SPATA1: variants seen among roughly 807,000 people sequenced by gnomAD.
The protein encoded by SPATA1 is spermatogenesis associated 1.
Under a neutral mutation model 59.6 loss-of-function variants are expected in SPATA1, and 57 were observed. That is an observed-to-expected ratio of 0.96 (90% CI 0.77 to 1.19). The LOEUF (loss-of-function observed/expected upper bound fraction) is 1.19. SPATA1 is among the 50% of genes most tolerant of loss of function. The pLI, the probability that SPATA1 is intolerant of heterozygous loss-of-function variation, is 0.00. For missense variants in SPATA1, 448 were observed against 480.7 expected, an observed-to-expected ratio of 0.93 and a Z score of 0.64; for synonymous variants, 147 against 163.9, an observed-to-expected ratio of 0.90 and a Z score of 0.79.
rs375939310 is a variant in SPATA1, at chr1:84,545,199, AGAGT to A, written c.821-431_821-428del. ...ACCACTACACTCCAGCCTGAGCAAC[AGAGT>A]GAGACTCCATCTCAAAAAAATATAT... On this transcript the variant is annotated intron_variant, in intron 9 of 12. Coordinates refer to ENST00000490879, the Ensembl canonical transcript of SPATA1. Among the ~76,000 whole-genome samples, 55 of 150,414 alleles carry A rather than the reference AGAGT, an allele frequency of 3.7e-4. No individual in the cohort carries two copies. The East Asian group carries it at 0.01, about 28-fold the overall frequency.
intron 6 of SPATA1, among the ~76,000 whole-genome samples, chr1:84,526,951 A>G (rs1683251653): frequency 6.6e-6 from 1 of 151,872 alleles, no homozygotes; most frequent in Non-Finnish European, 1.5e-5. Context: ...AAAGCTAACT[A>G]CAGTCTAAGA....
At chr1:84,532,488 T>C (rs971999898) in intron 6 of SPATA1, among the ~76,000 whole-genome samples, 2 of 151,546 alleles carry the variant, frequency 1.3e-5, no homozygotes, top group Non-Finnish European at 2.9e-5. Context: ...AGAGCAAGTC[T>C]CTATCTCAAA....
At chr1:84,514,371 T>C (rs1682706000) in intron 1 of SPATA1, among the ~76,000 whole-genome samples, 1 of 152,180 alleles carries the variant, frequency 6.6e-6, no homozygotes, top group African/African-American at 2.4e-5. Flanking sequence ...TACTATAGGT[T>C]GAGTATTCCT....
exon 4 of SPATA1, chr1:84,522,408 T>G (rs1683062126): frequency 6.7e-7 from 1 of 1,496,276 alleles, no homozygotes; most frequent in African/African-American, 1.4e-5. Flanking sequence ...CTCAACTTAC[T>G]TTACGAGCCC....
At chr1:84,563,640 A>T in intron 4 of SPATA1, 1 of 775,030 alleles carries the variant, frequency 1.3e-6, no homozygotes, top group Non-Finnish European at 2.0e-6. Context: ...ACTATATTTC[A>T]GAGATTCTAA....
At chr1:84,564,540 T>C (rs1684653646) in intron 4 of SPATA1, among the ~76,000 whole-genome samples, 1 of 152,180 alleles carries the variant, frequency 6.6e-6, no homozygotes, top group Non-Finnish European at 1.5e-5. Context: ...TTATTTAGTT[T>C]GGTTGTTGAT....
At chr1:84,565,806 A>C (rs1684688110) in intron 4 of SPATA1, 55 bp from the exon 14 acceptor site, 1 of 1,148,910 alleles carries the variant, frequency 8.7e-7, no homozygotes, top group Non-Finnish European at 1.2e-6. Flanking sequence ...AATATTATTA[A>C]TATTATTAAT....
chr1:84,522,030 A>G lies in SPATA1; in HGVS notation c.144-360A>G, dbSNP rs1012978333. Among the ~76,000 whole-genome samples the G allele has an allele frequency of 1.1e-4, 16 of 152,346 alleles. No individual in the cohort carries two copies. In the Middle Eastern group the frequency reaches 0.014, roughly 130 times the overall value. ...CTCCTGCCAAACTTCCAAAATAAAT[A>G]TCTGTGGCTAAATCATTCATTGGTA... On this transcript the variant is annotated intron_variant, in intron 3 of 12. Coordinates refer to ENST00000490879, the Ensembl canonical transcript of SPATA1.
At chr1:84,546,477 AAAAC>A (rs1313616395) in intron 10 of SPATA1, among the ~76,000 whole-genome samples, 2 of 151,938 alleles carry the variant, frequency 1.3e-5, no homozygotes, top group African/African-American at 4.8e-5. Flanking sequence ...AAAAAAAAAA[AAAAC>A]TTGATGAAAA....
chr1:84,522,957 C>CT (rs1232370279), intron 4 of SPATA1, among the ~76,000 whole-genome samples: 1 of 150,618 alleles, frequency 6.6e-6, no homozygotes, highest in Non-Finnish European at 1.5e-5. Context: ...GTCACCCTGG[C>CT]TAGAGTGCTG....
In SPATA1 at chr1:84,520,406, C is replaced by A. The variant is rs116498946; in HGVS notation, c.37-179C>A. 2.0e-3 allele frequency among the ~76,000 whole-genome samples: 310 copies of A among 152,270 alleles called. 3 individuals carry two copies. The highest frequency in any genetic ancestry group is 7.1e-3 in the African/African-American group (296 of 41,550). On this transcript the variant is annotated intron_variant, in intron 2 of 12. Coordinates refer to ENST00000490879, the Ensembl canonical transcript of SPATA1. ...CCAAGGGAAAATGTACTCCAAGTGC[C>A]AAGTGGCCAACTTAAGAACAAATTT...
chr1:84,553,126 T>C, exon 13 of SPATA1: 1 of 1,436,130 alleles, frequency 7.0e-7, no homozygotes, highest in Non-Finnish European at 9.3e-7. Context: ...CTCAATTAGG[T>C]ATGTTAATTT....
At chr1:84,565,742 A>T in intron 4 of SPATA1, 119 bp from the exon 14 acceptor site, 4 of 610,758 alleles carry the variant, frequency 6.5e-6, no homozygotes, top group Non-Finnish European at 9.3e-6. Flanking sequence ...CAATTGAAAA[A>T]CGTATACATA....
At chr1:84,547,232 G>A (rs188674290) in intron 10 of SPATA1, among the ~76,000 whole-genome samples, 1 of 152,288 alleles carries the variant, frequency 6.6e-6, no homozygotes, top group East Asian at 1.9e-4. Flanking sequence ...GACCAGGATT[G>A]TAACACCAGA....
At chr1:84,528,026 A>G (rs977678489) in intron 6 of SPATA1, among the ~76,000 whole-genome samples, 3 of 152,134 alleles carry the variant, frequency 2.0e-5, no homozygotes, top group Non-Finnish European at 4.4e-5. Context: ...CCACCGCTCC[A>G]GGCCAGAGCA....
chr1:84,537,509 G>A (rs1570435475), intron 8 of SPATA1, among the ~76,000 whole-genome samples: 1 of 152,118 alleles, frequency 6.6e-6, no homozygotes, highest in African/African-American at 2.4e-5. Context: ...CGAGACCTTA[G>A]CCAGTTTACA....
At chr1:84,515,480 C>T (rs1159131200) in intron 1 of SPATA1, among the ~76,000 whole-genome samples, 3 of 151,992 alleles carry the variant, frequency 2.0e-5, no homozygotes, top group African/African-American at 7.3e-5. Flanking sequence ...CTTATTTTAA[C>T]ATAAATCAAG....
At chr1:84,558,228 G>A (rs1369495193), downstream of SPATA1, among the ~76,000 whole-genome samples, 5 of 151,800 alleles carry the variant, frequency 3.3e-5, no homozygotes, top group Non-Finnish European at 7.4e-5. Flanking sequence ...ATTTCACAAT[G>A]TATAGATATA....
exon 9 of SPATA1, chr1:84,544,232 G>C (rs1318078619): frequency 2.5e-6 from 4 of 1,601,392 alleles, no homozygotes; most frequent in Non-Finnish European, 8.5e-7. Context: ...CACCCTACCA[G>C]ATCACCCTTC....
Sources: allele counts gnomAD v4.1 joint callset (sites outside exome capture counted in the v4.1 genomes callset), GRCh38; gene constraint gnomAD v4.1.1; transcripts MANE v1.5; gene names NCBI Gene and HGNC (gene_info 2026-07-23, HGNC 2026-07-21).